AHRR: variants seen among roughly 807,000 people sequenced by gnomAD.
AHRR encodes ahR repressor.
Under a neutral mutation model 44.0 loss-of-function variants are expected in AHRR, and 28 were observed. The ratio of observed to expected loss-of-function variants is 0.64; its 90% CI spans 0.47 to 0.87. The LOEUF (loss-of-function observed/expected upper bound fraction) is 0.87, where lower values mean the gene tolerates loss of function less well. Ranked by LOEUF, AHRR falls within the 40% of genes least tolerant of loss-of-function variation. AHRR has a pLI of 0.00. For synonymous variants in AHRR, 434 were observed against 407.0 expected, an observed-to-expected ratio of 1.07 and a Z score of -0.80; for missense variants, 990 against 953.9, an observed-to-expected ratio of 1.04 and a Z score of -0.50.
At chr5:373,485 T>C (rs1383816126) in intron 3 of AHRR, among the ~76,000 whole-genome samples, 1 of 152,228 alleles carries the variant, frequency 6.6e-6, no homozygotes, top group Non-Finnish European at 1.5e-5. Context: ...CTGTGCCTTG[T>C]AAGGGCCACG....
Position 342,991 on chromosome 5 carries a change from G to A in AHRR, c.-10-902G>A, listed in dbSNP as rs1157389275. ...TGGAATCCCAGGACTGTAGAGTGGA[G>A]TAGAATTTTACATAGAAAAGAGGAA... On this transcript the variant is annotated intron_variant, in intron 1 of 10. Transcript: ENST00000684583. This position sits in a 1 kb window ranked among gnomAD's most constrained non-coding sequence, Gnocchi z 4.3. Among the ~76,000 whole-genome samples the A allele has an allele frequency of 6.6e-6, 1 of 152,226 alleles. No individual in the cohort carries two copies. The highest frequency in any genetic ancestry group is 1.5e-5 in the Non-Finnish European group (1 of 68,042).
intron 3 of AHRR, among the ~76,000 whole-genome samples, chr5:366,627 T>C (rs1226600761): frequency 6.6e-6 from 1 of 152,138 alleles, no homozygotes; most frequent in Non-Finnish European, 1.5e-5. Context: ...TTTGTAGTCT[T>C]GAACAAAATA....
At position 370,299 on chromosome 5, in the gene AHRR, C is replaced by T. The variant is rs760411535; in HGVS notation, c.245-6311C>T. 2.6e-5 allele frequency among the ~76,000 whole-genome samples: 4 copies of T among 152,186 alleles called. No individual in the cohort carries two copies. The highest frequency in any genetic ancestry group is 5.9e-5 in the Non-Finnish European group (4 of 68,042). On this transcript the variant is annotated intron_variant, in intron 3 of 10. Coordinates refer to ENST00000684583, the MANE Select transcript of AHRR (RefSeq NM_001377236.1). This position sits in a 1 kb window ranked among gnomAD's most constrained non-coding sequence, Gnocchi z 4.5. Reference sequence around the variant, plus strand: ...CTGGAAGCTCTGCTCATTTACTCCCCGTGTTACGGTTGTGCAGCATTTCCT... The same window carrying T: ...CTGGAAGCTCTGCTCATTTACTCCCTGTGTTACGGTTGTGCAGCATTTCCT...
intron 1 of AHRR, among the ~76,000 whole-genome samples, chr5:325,294 T>C (rs553984778): frequency 2.0e-5 from 3 of 152,270 alleles, no homozygotes; most frequent in African/African-American, 7.2e-5. Flanking sequence ...CTGGTGTAGG[T>C]CACCCTATCC....
In AHRR at chr5:412,264, A is replaced by C. The variant is rs190919249; in HGVS notation, c.352-1080A>C. 9.3e-3 allele frequency among the ~76,000 whole-genome samples: 1,420 copies of C among 152,366 alleles called. 8 individuals are homozygous for C. The highest frequency in any genetic ancestry group is 0.016 in the Non-Finnish European group (1,096 of 68,032). On this transcript the variant is annotated intron_variant, in intron 4 of 10. Transcript: ENST00000684583. ...TTTTAAGATGCCATAGTTAATGTAA[A>C]AAAAATAAATAACTTGCACACACGA...
chr5:408,392 T>TTA (rs386402795), intron 4 of AHRR, among the ~76,000 whole-genome samples: 4 of 152,144 alleles, frequency 2.6e-5, no homozygotes, highest in African/African-American at 9.7e-5. Context: ...CTTTTTTTTT[T>TTA]TCAGGAATAA....
intron 4 of AHRR, among the ~76,000 whole-genome samples, chr5:397,985 C>CGTAGCCCCTGACCATCCAT (rs1560907427): frequency 1.1e-4 from 9 of 85,460 alleles, no homozygotes; most frequent in African/African-American, 6.8e-4. Flanking sequence ...TGACCATCCA[C>CGTAGCCCCTGACCATCCAT]GTAGCCCCTG....
chr5:376,557 A>AACGCGGGGCAACACAGGAAAGAT, intron 3 of AHRR, 53 bp from the exon 4 acceptor site: 2 of 1,423,180 alleles, frequency 1.4e-6, no homozygotes, highest in Admixed American at 2.3e-5. Context: ...AATGAAGAAG[A>AACGCGGGGCAACACAGGAAAGAT]GTGGCCAGGC....
At chr5:364,885 T>C (rs1172694368) in intron 3 of AHRR, among the ~76,000 whole-genome samples, 2 of 152,114 alleles carry the variant, frequency 1.3e-5, no homozygotes, top group Non-Finnish European at 1.5e-5. Context: ...GTAAAAAGCA[T>C]CACTGGAGAT....
At chr5:375,915 C>T (rs1490616788) in intron 3 of AHRR, among the ~76,000 whole-genome samples, 1 of 152,218 alleles carries the variant, frequency 6.6e-6, no homozygotes. Flanking sequence ...ATGGAGAATG[C>T]ACCATCCTCA....
intron 4 of AHRR, among the ~76,000 whole-genome samples, chr5:377,667 C>G (rs757805429): frequency 4.6e-5 from 7 of 152,238 alleles, no homozygotes; most frequent in African/African-American, 7.2e-5. Flanking sequence ...TCCTGTGTGT[C>G]TCCAGGTCAG....
Position 376,679 on chromosome 5 carries a change from C to T in AHRR, c.314C>T (p.Ala105Val). 6.2e-7 allele frequency: 1 copy of T among 1,610,508 alleles called. No homozygotes were observed. ...TCGCCCGGAGACAGCTGTCCTCTTGCAGGGTCTGCCGTGCTGGAGGGAAGG... is the reference window on the plus strand; with the variant it reads ...TCGCCCGGAGACAGCTGTCCTCTTGTAGGGTCTGCCGTGCTGGAGGGAAGG... Reference protein sequence around the residue: ...APSPGDSCPLAGSAVLEGRLL... With the variant: ...APSPGDSCPLVGSAVLEGRLL... The change falls in exon 4 of 11, where the codon GCA becomes GTA. Residue 105 changes from alanine to valine, a missense_variant. Coordinates refer to ENST00000684583, the MANE Select transcript of AHRR (RefSeq NM_001377236.1).
chr5:341,998 A>C (rs1742365426), intron 1 of AHRR, among the ~76,000 whole-genome samples: 1 of 152,200 alleles, frequency 6.6e-6, no homozygotes, highest in South Asian at 2.1e-4. Context: ...TGCTTTCCAA[A>C]TATTTGGAAA....
In AHRR at chr5:438,247, T is replaced by C. The variant is rs1217581128; in HGVS notation, c.*3413T>C. ...GTTTGTATTAAATTTGCAATATTGA[T>C]GTAAAATACATGACATGCTAGTACA... On this transcript the variant is annotated 3_prime_UTR_variant, in exon 11 of 11. Coordinates refer to ENST00000684583, the MANE Select transcript of AHRR (RefSeq NM_001377236.1). 2 of 152,400 alleles carry C rather than the reference T, an allele frequency of 1.3e-5. No individual in the cohort carries two copies. The highest frequency in any genetic ancestry group is 2.1e-4 in the South Asian group (1 of 4,838). The allele number at this position is 152,400 out of a possible 1,614,324, so 9.4% of individuals were successfully genotyped here.
intron 5 of AHRR, among the ~76,000 whole-genome samples, chr5:416,728 G>A (rs1404074047): frequency 6.6e-6 from 1 of 152,226 alleles, no homozygotes; most frequent in Non-Finnish European, 1.5e-5. Context: ...CGTTTGCTGG[G>A]GTTTGGTGCA....
rs779162304 is a variant in AHRR, at chr5:353,777, G to A, written c.110G>A (p.Arg37Gln). 1.2e-6 allele frequency: 2 copies of A among 1,613,486 alleles called. No individual in the cohort carries two copies. The highest frequency in any genetic ancestry group is 1.7e-6 in the Non-Finnish European group (2 of 1,179,944). The change falls in exon 3 of 11, where the codon CGG (arginine) becomes CAG (glutamine). Residue 37 changes from arginine (R) to glutamine (Q), a missense_variant. Physicochemically the swap from Arg to Gln is conservative, Grantham distance 43. Coordinates refer to ENST00000684583, the MANE Select transcript of AHRR (RefSeq NM_001377236.1). ...AEKSNPSKRH[R>Q]DRLNAELDHL... ...AAGTCCAACCCCTCCAAGCGACACCGGGACCGCCTCAACGCCGAGTTGGAC... is the reference window on the plus strand; with the variant it reads ...AAGTCCAACCCCTCCAAGCGACACCAGGACCGCCTCAACGCCGAGTTGGAC...
At chr5:355,896 T>A (rs988451797) in intron 3 of AHRR, among the ~76,000 whole-genome samples, 2 of 152,238 alleles carry the variant, frequency 1.3e-5, no homozygotes, top group African/African-American at 4.8e-5. Flanking sequence ...AATTTTGTGA[T>A]CCCCTTCAGG....
In AHRR at chr5:435,268, G is replaced by T. The variant is rs1484169186; in HGVS notation, c.*434G>T. The T allele has an allele frequency of 5.1e-6, 1 of 196,324 alleles. No homozygotes were observed. The highest frequency in any genetic ancestry group is 1.0e-5 in the Non-Finnish European group (1 of 96,204). The allele number at this position is 196,324 out of a possible 1,614,324, so 12.2% of individuals were successfully genotyped here. A position where few individuals can be genotyped will look rare whatever the true frequency, so the allele number is the denominator to read the frequency against. On this transcript the variant is annotated 3_prime_UTR_variant, in exon 11 of 11. Transcript: ENST00000684583. ...TCCCAAGTCCGCAGTCGGGGATGAA[G>T]CGGTCGGGTGACACACCTAGCTCAG...
intron 4 of AHRR, among the ~76,000 whole-genome samples, chr5:397,430 CA>C (rs2126485544): frequency 8.8e-6 from 1 of 113,628 alleles, no homozygotes; most frequent in South Asian, 4.0e-4. Flanking sequence ...CCTGACCATC[CA>C]CGTAGCTCCT....
Sources: gnomAD v4.1 joint callset for allele counts (sites outside exome capture counted in the v4.1 genomes callset) on GRCh38, gnomAD v4.1.1 for gene constraint, Gnocchi (gnomAD v3.1) non-coding constraint, MANE v1.5 for transcripts, NCBI Gene and HGNC (gene_info 2026-07-23, HGNC 2026-07-21) for gene names.